Variants in NFASC observed in about 807,000 individuals in gnomAD.
The protein encoded by NFASC is neurofascin homolog.
In NFASC, 43 loss-of-function variants were observed where a neutral mutation model predicts 147.5. The observed-to-expected ratio is 0.29, with a 90% CI of 0.23 to 0.38. The LOEUF is 0.38. NFASC is among the 10% of genes least tolerant of loss of function. NFASC has a pLI of 1.00. For missense variants in NFASC, 1,320 were observed against 1,689.0 expected, an observed-to-expected ratio of 0.78 and a Z score of 3.83; for synonymous variants, 622 against 665.5, an observed-to-expected ratio of 0.93 and a Z score of 1.01.
chr1:204,994,644 GT>G (rs2095808300), intron 24 of NFASC, among the ~76,000 whole-genome samples: 1 of 152,134 alleles, frequency 6.6e-6, no homozygotes, highest in Admixed American at 6.5e-5. Context: ...AAAAGGGAGT[GT>G]TTGCTTTTTT....
rs2096405876 is a variant in NFASC, at chr1:205,022,363, C to T, written c.*5824C>T. On this transcript the variant is annotated 3_prime_UTR_variant, in exon 30 of 30. Coordinates refer to ENST00000339876, the MANE Select transcript of NFASC (RefSeq NM_001005388.3). ...CTCCCACTCCCGACCCATGCTGGAC[C>T]CCGGAGGACCTCCTGCCCCGCCCCC... The T allele has an allele frequency of 1.3e-5, 2 of 152,430 alleles. No individual in the cohort carries two copies. The highest frequency in any genetic ancestry group is 1.3e-4 in the Admixed American group (2 of 15,258). The allele number at this position is 152,430 out of a possible 1,614,324, so 9.4% of individuals were successfully genotyped here.
intron 24 of NFASC, among the ~76,000 whole-genome samples, 184 bp from the exon 25 acceptor site, chr1:204,996,986 C>T (rs973744343): frequency 1.3e-5 from 2 of 152,144 alleles, no homozygotes; most frequent in African/African-American, 4.8e-5. Flanking sequence ...CATTCTCTTC[C>T]TCTCCCATGG....
At chr1:204,956,753 GC>G (rs2094451686) in intron 7 of NFASC, among the ~76,000 whole-genome samples, 1 of 152,106 alleles carries the variant, frequency 6.6e-6, no homozygotes, top group African/African-American at 2.4e-5. Context: ...GGGGAAGTTG[GC>G]ATCATTAACC....
chr1:205,012,907 C>G, intron 29 of NFASC, 41 bp downstream of exon 29: 3 of 1,454,234 alleles, frequency 2.1e-6, no homozygotes, highest in Non-Finnish European at 2.9e-6. Context: ...AGGCTGTCCT[C>G]CCTGTCCCTG....
At position 205,011,091 on chromosome 1, in the gene NFASC, T is replaced by TG. The variant is rs1167273539; in HGVS notation, c.3421+1405dup. 3.3e-5 allele frequency among the ~76,000 whole-genome samples: 5 copies of TG among 152,200 alleles called. No homozygotes were observed. In the South Asian group the frequency reaches 1.0e-3, roughly 32 times the overall value. ...ATGGATGACCCTGAAAGCAAAGATC[T>TG]GGCTGGACCACAGAATGCAATTTCT... On this transcript the variant is annotated intron_variant, in intron 28 of 29. Coordinates refer to ENST00000339876, the MANE Select transcript of NFASC (RefSeq NM_001005388.3).
chr1:205,011,214 C>A (rs534476158), intron 28 of NFASC, among the ~76,000 whole-genome samples: 2 of 151,492 alleles, frequency 1.3e-5, no homozygotes, highest in East Asian at 3.9e-4. Context: ...AGGACCCCCC[C>A]CAAAACTCAA....
chr1:204,963,991 G>A (rs1558274268), intron 8 of NFASC, among the ~76,000 whole-genome samples: 2 of 152,166 alleles, frequency 1.3e-5, no homozygotes, highest in Non-Finnish European at 2.9e-5. Flanking sequence ...ACACTGCTAG[G>A]TGCCCCCTGA....
intron 5 of NFASC, among the ~76,000 whole-genome samples, chr1:204,953,652 C>A (rs1460665702): frequency 6.6e-6 from 1 of 152,162 alleles, no homozygotes; most frequent in East Asian, 1.9e-4. Flanking sequence ...TCTGTACTCA[C>A]TGAGCAGGGC....
chr1:204,960,958 G>A (rs557232718), intron 8 of NFASC, among the ~76,000 whole-genome samples: 1 of 152,340 alleles, frequency 6.6e-6, no homozygotes, highest in South Asian at 2.1e-4. Context: ...CTTGCAACTA[G>A]TTGTAATGGG....
rs575521973 is a variant in NFASC at position 204,954,925 on chromosome 1, C to A, written c.509C>A (p.Ser170Tyr). 1.2e-6 allele frequency: 2 copies of A among 1,614,160 alleles called. No homozygotes were observed. Among genetic ancestry groups the A allele is most frequent in the Admixed American group, 3.3e-5 (2 of 60,010 alleles). ...LQCNPPPGLPSPVIFWMSSSM... is the reference protein window; with the variant it reads ...LQCNPPPGLPYPVIFWMSSSM... The stretch of plus-strand genomic sequence containing the variant: ...TGCAACCCCCCGCCTGGACTTCCAT[C>A]CCCGGTCATCTTCTGGATGAGCAGC... The change falls in exon 7 of 30, where the codon TCC becomes TAC. Residue 170 changes from serine (S) to tyrosine (Y), a missense_variant. By Grantham distance (144) the Ser-to-Tyr change is moderately radical (BLOSUM62 -2). This residue lies in a region of NFASC where 981 missense variants were observed against 1,289.5 expected (regional missense o/e 0.76). Transcript: ENST00000339876. This position sits in a 1 kb window ranked among gnomAD's most constrained non-coding sequence, Gnocchi z 5.7.
At chr1:204,892,514 C>T (rs546956599) in intron 1 of NFASC, among the ~76,000 whole-genome samples, 46 of 152,334 alleles carry the variant, frequency 3.0e-4, no homozygotes, top group Non-Finnish European at 5.9e-4. Flanking sequence ...GGCTGACATG[C>T]ACTGCTGTCA....
Position 204,881,028 on chromosome 1 carries a change from C to A in NFASC, c.-199-39604C>A, listed in dbSNP as rs1223982556. On this transcript the variant is annotated intron_variant, in intron 1 of 29. Coordinates refer to ENST00000339876, the MANE Select transcript of NFASC (RefSeq NM_001005388.3). ...CCTCCTGCCCTCCCTCCTGGGACTG[C>A]AACTCACAAATGTCAGTTACTATGG... Among the ~76,000 whole-genome samples, 58 of 152,346 alleles carry A rather than the reference C, an allele frequency of 3.8e-4. 1 individual carries two copies. Among genetic ancestry groups the A allele is most frequent in the Non-Finnish European group, 2.9e-5 (2 of 68,030 alleles).
chr1:205,017,566 G>A lies in NFASC; in HGVS notation c.*1027G>A, dbSNP rs1008779187. 1 of 152,736 alleles carries A rather than the reference G, an allele frequency of 6.5e-6. No homozygotes were observed. Among genetic ancestry groups the A allele is most frequent in the Non-Finnish European group, 1.5e-5 (1 of 68,088 alleles). 9.5% of individuals were successfully genotyped at this position (152,736 alleles called of 1,614,324 possible). On this transcript the variant is annotated 3_prime_UTR_variant, in exon 30 of 30. Coordinates refer to ENST00000339876, the MANE Select transcript of NFASC (RefSeq NM_001005388.3). ...ACCCTGTCCAGAGTAGAGGGCACCT[G>A]TCCACGTGGCCAGGGCCCATGCTGC...
At position 204,954,706 on chromosome 1, in the gene NFASC, T is replaced by C. The variant is rs531085807; in HGVS notation, c.413-123T>C. On this transcript the variant is annotated intron_variant, in intron 6 of 29. Coordinates refer to ENST00000339876, the MANE Select transcript of NFASC (RefSeq NM_001005388.3). This position sits in a 1 kb window ranked among gnomAD's most constrained non-coding sequence, Gnocchi z 5.7. ...GCTCACGTGCCCCGTCCCTCTCTCT[T>C]GCTCCCTCCTTCTCCAGGTGCCCCT... is the stretch of plus-strand genomic sequence containing the variant. 5 of 1,206,936 alleles carry C rather than the reference T, an allele frequency of 4.1e-6. 1 individual carries two copies. The South Asian group carries it at 5.6e-5, about 13-fold the overall frequency. 74.8% of individuals were successfully genotyped at this position (1,206,936 alleles called of 1,614,324 possible).
intron 27 of NFASC, among the ~76,000 whole-genome samples, chr1:205,004,102 T>C (rs946471593): frequency 5.9e-5 from 9 of 152,238 alleles, no homozygotes; most frequent in African/African-American, 1.9e-4. Flanking sequence ...AAGCTGTTGC[T>C]CACTGGTATG....
intron 24 of NFASC, among the ~76,000 whole-genome samples, chr1:204,996,397 A>G (rs1463700231): frequency 6.6e-6 from 1 of 152,196 alleles, no homozygotes; most frequent in Non-Finnish European, 1.5e-5. Context: ...TCATGTGAAT[A>G]GAAAGCACCT....
At chr1:204,973,929 G>A (rs765187220) in intron 12 of NFASC, among the ~76,000 whole-genome samples, 49 of 152,186 alleles carry the variant, frequency 3.2e-4, no homozygotes, top group Non-Finnish European at 3.4e-4. Context: ...GAACCTGCTG[G>A]ATAATTTGGG....
Position 205,005,232 on chromosome 1 carries a change from C to T in NFASC, c.3289+2484C>T, listed in dbSNP as rs1454461228. ...ACTGTATTTGGGGAAAATCCATCCC[C>T]GTTATATTTGTTAATCTATCCCTAT... On this transcript the variant is annotated intron_variant, in intron 27 of 29. Transcript: ENST00000339876. Among the ~76,000 whole-genome samples the T allele has an allele frequency of 4.6e-5, 7 of 152,290 alleles. No individual in the cohort carries two copies. The South Asian group carries it at 1.2e-3, about 27-fold the overall frequency.
chr1:204,921,471 A>G (rs190881695), intron 2 of NFASC, among the ~76,000 whole-genome samples: 2 of 152,100 alleles, frequency 1.3e-5, no homozygotes, highest in African/African-American at 4.8e-5. Context: ...GGGCATCTCT[A>G]CCTCATCGAA....
Sources: allele counts gnomAD v4.1 joint callset (sites outside exome capture counted in the v4.1 genomes callset), GRCh38; gene constraint gnomAD v4.1.1; regional missense constraint gnomAD v4.1.1; non-coding constraint Gnocchi (gnomAD v3.1); transcripts MANE v1.5; gene names NCBI Gene and HGNC (gene_info 2026-07-23, HGNC 2026-07-21).